The following THRB variants were observed in gnomAD, a reference collection of about 807,000 sequenced individuals.
THRB encodes thyroid hormone receptor beta.
Under a neutral mutation model 47.8 loss-of-function variants are expected in THRB, and 12 were observed. That is an observed-to-expected ratio of 0.25 (90% confidence interval 0.16 to 0.41). THRB has a LOEUF of 0.41. Ranked by LOEUF, THRB falls within the 10% of genes least tolerant of loss-of-function variation. The pLI is 1.00. For missense variants in THRB, 348 were observed against 589.2 expected, an observed-to-expected ratio of 0.59 and a Z score of 4.24; for synonymous variants, 218 against 212.2, an observed-to-expected ratio of 1.03 and a Z score of -0.24.
At chr3:24,182,989 C>T (rs1002456681) in intron 5 of THRB, among the ~76,000 whole-genome samples, 3 of 152,096 alleles carry the variant, frequency 2.0e-5, no homozygotes, top group African/African-American at 7.2e-5. Context: ...GCCAGATTGC[C>T]TGAGTTAGAA....
At chr3:24,409,151 G>A (rs1426528753) in intron 1 of THRB, among the ~76,000 whole-genome samples, 1 of 151,754 alleles carries the variant, frequency 6.6e-6, no homozygotes, top group Non-Finnish European at 1.5e-5. Flanking sequence ...AAATGTCATA[G>A]GGAGTGAAAT....
At chr3:24,346,097 T>TA (rs1226024815) in intron 1 of THRB, among the ~76,000 whole-genome samples, 4 of 152,048 alleles carry the variant, frequency 2.6e-5, no homozygotes, top group African/African-American at 9.7e-5. Flanking sequence ...AAATGGTAAA[T>TA]ACGCAGTAAA....
chr3:24,151,094 G>A (rs932494438), intron 6 of THRB, among the ~76,000 whole-genome samples: 1 of 152,140 alleles, frequency 6.6e-6, no homozygotes, highest in Non-Finnish European at 1.5e-5. Flanking sequence ...AAAGGACTAC[G>A]AATTCCAGAT....
chr3:24,357,713 G>A (rs147017566), intron 1 of THRB, among the ~76,000 whole-genome samples: 47 of 152,050 alleles, frequency 3.1e-4, no homozygotes, highest in Non-Finnish European at 4.7e-4. Flanking sequence ...ACAGTATTCC[G>A]TTGTTCTTAT....
Position 24,460,297 on chromosome 3 carries a change from G to C in THRB, c.-261+34355C>G, listed in dbSNP as rs539567493. Among the ~76,000 whole-genome samples, 2 of 151,840 alleles carry C rather than the reference G, an allele frequency of 1.3e-5. 1 individual carries two copies. The highest frequency in any genetic ancestry group is 2.9e-5 in the Non-Finnish European group (2 of 67,938). On this transcript the variant is annotated intron_variant, in intron 1 of 10. Coordinates refer to ENST00000646209, the MANE Select transcript of THRB (RefSeq NM_001354712.2). ...ACCATACTGGGTAAATGAATCTATG[G>C]GTTTAAATTATAAAGCAAACATCAT... is the stretch of plus-strand genomic sequence containing the variant.
chr3:24,462,139 T>C (rs556398164), intron 1 of THRB, among the ~76,000 whole-genome samples: 2 of 149,962 alleles, frequency 1.3e-5, no homozygotes, highest in Non-Finnish European at 3.0e-5. Flanking sequence ...AGAAAAATAA[T>C]AAAAAGCATT....
At chr3:24,479,254 A>T (rs1163324744) in intron 1 of THRB, among the ~76,000 whole-genome samples, 1 of 152,226 alleles carries the variant, frequency 6.6e-6, no homozygotes, top group Non-Finnish European at 1.5e-5. Context: ...GTGAGCTGAG[A>T]TTGCGCCACC....
chr3:24,301,995 A>G (rs1399399647), intron 2 of THRB, among the ~76,000 whole-genome samples: 1 of 152,176 alleles, frequency 6.6e-6, no homozygotes, highest in Non-Finnish European at 1.5e-5. Context: ...CTGAAACCTA[A>G]GCCCTTGTGA....
chr3:24,303,955 G>A (rs1438048279), intron 2 of THRB, among the ~76,000 whole-genome samples: 1 of 151,992 alleles, frequency 6.6e-6, no homozygotes, highest in African/African-American at 2.4e-5. Flanking sequence ...TGATCATAGA[G>A]TATTCTTTCT....
rs187093668 is a variant in THRB, at chr3:24,464,430, T to C, written c.-261+30222A>G. Among the ~76,000 whole-genome samples the C allele has an allele frequency of 2.6e-5, 4 of 152,342 alleles. No homozygotes were observed. In the East Asian group the frequency reaches 7.7e-4, roughly 29 times the overall value. ...TATTTTATTTTGTCTAATATGAATA[T>C]TGCCATTTTAGCTCTATTTTAATTA... On this transcript the variant is annotated intron_variant, in intron 1 of 10. Coordinates refer to ENST00000646209, the MANE Select transcript of THRB (RefSeq NM_001354712.2).
chr3:24,337,496 A>T (rs770694748), intron 1 of THRB, 125 bp from the exon 2 acceptor site: 2 of 152,216 alleles, frequency 1.3e-5, no homozygotes, highest in African/African-American at 4.8e-5. Flanking sequence ...GCTATCTCTG[A>T]TTTTGAATAG....
chr3:24,304,501 C>G (rs962045607), intron 2 of THRB, among the ~76,000 whole-genome samples: 7 of 151,612 alleles, frequency 4.6e-5, no homozygotes, highest in African/African-American at 1.7e-4. Flanking sequence ...AGAATATGTT[C>G]CATCCAAAGT....
chr3:24,395,654 G>A (rs2066901752), intron 1 of THRB, among the ~76,000 whole-genome samples: 2 of 152,130 alleles, frequency 1.3e-5, no homozygotes, highest in Admixed American at 6.6e-5. Flanking sequence ...ACCCTTATAT[G>A]CTGGTGAAGG....
At chr3:24,392,333 G>A (rs886241393) in intron 1 of THRB, among the ~76,000 whole-genome samples, 6 of 151,780 alleles carry the variant, frequency 4.0e-5, no homozygotes, top group African/African-American at 1.5e-4. Context: ...ATCAAGTTGG[G>A]GTAATTGAGA....
chr3:24,141,757 T>G (rs1472061510), intron 8 of THRB, among the ~76,000 whole-genome samples: 1 of 152,216 alleles, frequency 6.6e-6, no homozygotes, highest in Non-Finnish European at 1.5e-5. Flanking sequence ...CAGGATGAAC[T>G]TCAAATCTTC....
At chr3:24,231,101 T>C (rs1259374101) in intron 3 of THRB, among the ~76,000 whole-genome samples, 3 of 152,210 alleles carry the variant, frequency 2.0e-5, no homozygotes, top group Non-Finnish European at 4.4e-5. Context: ...CTTCCTTGGA[T>C]GCCCTCAGTA....
intron 4 of THRB, among the ~76,000 whole-genome samples, chr3:24,210,722 C>T (rs1026533858): frequency 1.3e-5 from 2 of 152,180 alleles, no homozygotes; most frequent in African/African-American, 2.4e-5. Flanking sequence ...TTCTACCAGT[C>T]AGCATGACTG....
chr3:24,299,681 A>G (rs565861098), intron 2 of THRB, among the ~76,000 whole-genome samples: 2 of 151,842 alleles, frequency 1.3e-5, no homozygotes, highest in Non-Finnish European at 2.9e-5. Flanking sequence ...ATTGGCTGAA[A>G]TTGTGGTATT....
chr3:24,485,064 T>C (rs544869493), intron 1 of THRB, among the ~76,000 whole-genome samples: 2 of 152,352 alleles, frequency 1.3e-5, no homozygotes, highest in South Asian at 2.1e-4. Context: ...CATTAAATAC[T>C]GAAATGCTTC....
Sources: gnomAD v4.1 joint callset for allele counts (sites outside exome capture counted in the v4.1 genomes callset) on GRCh38, gnomAD v4.1.1 for gene constraint, MANE v1.5 for transcripts, NCBI Gene and HGNC (gene_info 2026-07-23, HGNC 2026-07-21) for gene names.